CAGE1: variants seen among roughly 807,000 people sequenced by gnomAD.
The protein encoded by CAGE1 is cancer-associated gene 1 protein.
CAGE1 carries 66 observed loss-of-function variants against 94.9 expected under a neutral mutation model. That is an observed-to-expected ratio of 0.70 (90% CI 0.57 to 0.85). The LOEUF is 0.85. Ranked by LOEUF, CAGE1 falls within the 40% of genes least tolerant of loss-of-function variation. CAGE1 has a pLI of 0.00. For synonymous variants in CAGE1, 319 were observed against 321.0 expected (o/e 0.99, Z 0.07); for missense variants, 865 against 950.4 (o/e 0.91, Z 1.18).
intron 7 of CAGE1, among the ~76,000 whole-genome samples, chr6:7,366,849 T>G (rs1465340791): frequency 6.6e-6 from 1 of 152,154 alleles, no homozygotes; most frequent in Non-Finnish European, 1.5e-5. Flanking sequence ...TCCAAGGAGT[T>G]ATCCTAACAT....
At chr6:7,352,312 A>C (rs9379098) in intron 11 of CAGE1, among the ~76,000 whole-genome samples, 101 of 128,084 alleles carry the variant, frequency 7.9e-4, no homozygotes, top group African/African-American at 2.9e-3. Context: ...AAAACAAAAA[A>C]AAACAAAAAA....
intron 9 of CAGE1, among the ~76,000 whole-genome samples, chr6:7,357,006 A>G (rs1759979220): frequency 6.6e-6 from 1 of 152,120 alleles, no homozygotes; most frequent in Admixed American, 6.5e-5. Flanking sequence ...CATGTTGGCC[A>G]GGCTGGTCTT....
chr6:7,342,546 G>A (rs897605788), intron 11 of CAGE1, among the ~76,000 whole-genome samples: 1 of 152,186 alleles, frequency 6.6e-6, no homozygotes, highest in Non-Finnish European at 1.5e-5. Flanking sequence ...CAGGCTGGCT[G>A]TCACCTCTGT....
intron 11 of CAGE1, chr6:7,341,446 C>G: frequency 9.9e-7 from 1 of 1,006,750 alleles, no homozygotes; most frequent in Non-Finnish European, 1.6e-6. Context: ...CATCTATGAT[C>G]ACATGTAGGT....
intron 3 of CAGE1, among the ~76,000 whole-genome samples, chr6:7,381,429 G>C (rs945602071): frequency 2.6e-5 from 4 of 152,178 alleles, no homozygotes; most frequent in Admixed American, 6.5e-5. Flanking sequence ...CTCTAAGAAT[G>C]AGAAAATCAA....
Position 7,389,218 on chromosome 6 carries a change from TATCTC to T in CAGE1, c.-45_-41del. 1 of 456,004 alleles carries T rather than the reference TATCTC, an allele frequency of 2.2e-6. No homozygotes were observed. The highest frequency in any genetic ancestry group is 1.5e-5 in the South Asian group (1 of 64,564). The allele number at this position is 456,004 out of a possible 1,614,324, so 28.2% of individuals were successfully genotyped here. ...AAACTTTACCTTTTTAAAAAGCACT[TATCTC>T]ATTCATTTTTCACCTCAAAACGAGA... On this transcript the variant is annotated 5_prime_UTR_variant, in exon 1 of 14. The change abolishes an upstream ATG in the 5' untranslated region. Transcript: ENST00000502583.
intron 11 of CAGE1, among the ~76,000 whole-genome samples, chr6:7,352,291 A>AAAAAAAAAAAAC (rs1759799765): frequency 1.2e-5 from 1 of 83,790 alleles, no homozygotes; most frequent in African/African-American, 9.9e-5. Context: ...CAATAGCTGC[A>AAAAAAAAAAAAC]AAAAAAAAAA....
In CAGE1 at chr6:7,375,090, G is replaced by A. The variant is rs536144404; in HGVS notation, c.688-959C>T. ...AAATAAAAAAAGACAGTAATTTGTG[G>A]TAAGAAATGGTGAAATGAATATGAC... On this transcript the variant is annotated intron_variant, in intron 4 of 13. Transcript: ENST00000502583. Among the ~76,000 whole-genome samples, 13 of 151,390 alleles carry A rather than the reference G, an allele frequency of 8.6e-5. No individual in the cohort carries two copies. The South Asian group carries it at 2.7e-3, about 32-fold the overall frequency.
rs753614412 is a variant in CAGE1, at chr6:7,370,076, G to A, written c.1747-11C>T. 5.1e-5 allele frequency: 80 copies of A among 1,568,922 alleles called. No homozygotes were observed. Among genetic ancestry groups the A allele is most frequent in the Non-Finnish European group, 6.3e-5 (73 of 1,159,420 alleles). ...TGTCGTTTTTGTATCCTACATGCACGTAATTCAGATTTGTCAAAATAATGA... is the reference window on the plus strand; with the variant it reads ...TGTCGTTTTTGTATCCTACATGCACATAATTCAGATTTGTCAAAATAATGA... On this transcript the variant is annotated splice_polypyrimidine_tract_variant and intron_variant, in intron 5 of 13. Transcript: ENST00000502583.
intron 5 of CAGE1, among the ~76,000 whole-genome samples, chr6:7,371,345 A>G (rs1760532954): frequency 6.6e-6 from 1 of 152,078 alleles, no homozygotes; most frequent in Non-Finnish European, 1.5e-5. Context: ...TTTTTAATTT[A>G]GGAAAAGAAT....
chr6:7,381,591 C>T (rs139665236), intron 3 of CAGE1, among the ~76,000 whole-genome samples: 163 of 150,634 alleles, frequency 1.1e-3, no homozygotes, highest in African/African-American at 3.7e-3. Flanking sequence ...TGCTGTGGCA[C>T]GATCTCGGCT....
At chr6:7,327,791 G>C in intron 13 of CAGE1, among the ~76,000 whole-genome samples, 1 of 152,042 alleles carries the variant, frequency 6.6e-6, no homozygotes, top group East Asian at 1.9e-4. Context: ...TTAGCTAGGC[G>C]TGGTGGTACC....
intron 11 of CAGE1, among the ~76,000 whole-genome samples, chr6:7,344,604 G>C (rs1038243334): frequency 3.3e-5 from 5 of 151,964 alleles, no homozygotes; most frequent in Admixed American, 2.6e-4. Flanking sequence ...GAGTGCGGGC[G>C]TACGGCCCGA....
At chr6:7,351,327 G>C (rs1005487695) in intron 11 of CAGE1, among the ~76,000 whole-genome samples, 2 of 151,944 alleles carry the variant, frequency 1.3e-5, no homozygotes, top group African/African-American at 4.8e-5. Context: ...AACAAAAAAA[G>C]TCCAGGACCA....
At chr6:7,355,245 CA>C (rs1299889757) in intron 10 of CAGE1, 134 bp from the exon 11 acceptor site, 2 of 574,340 alleles carry the variant, frequency 3.5e-6, no homozygotes, top group Non-Finnish European at 6.2e-6. Flanking sequence ...ACTTTCCTTA[CA>C]TTTTGAAATC....
chr6:7,327,668 C>T (rs909363074), intron 13 of CAGE1, among the ~76,000 whole-genome samples: 9 of 152,096 alleles, frequency 5.9e-5, no homozygotes, highest in African/African-American at 1.4e-4. Flanking sequence ...CGGTGGCTCA[C>T]GCCTGTAATC....
chr6:7,340,807 C>G (rs1420328894), intron 11 of CAGE1: 2 of 398,982 alleles, frequency 5.0e-6, no homozygotes, highest in Non-Finnish European at 9.7e-6. Flanking sequence ...CAGTCTACTC[C>G]CTCAATGCAT....
chr6:7,329,163 A>G (rs1481644238), intron 13 of CAGE1: 1 of 388,630 alleles, frequency 2.6e-6, no homozygotes, highest in Non-Finnish European at 4.6e-6. Flanking sequence ...GAACTCCTGA[A>G]CTCAAGTGAT....
chr6:7,365,455 AG>A lies in CAGE1; in HGVS notation c.2193+12del, dbSNP rs1306184386. ...ATAAAAATAATAGCAAGGTAAAAAAAGGTCTTTCTTACCAAGAAATCAAGCT... is the reference window on the plus strand; with the variant it reads ...ATAAAAATAATAGCAAGGTAAAAAAAGTCTTTCTTACCAAGAAATCAAGCT... On this transcript the variant is annotated intron_variant, in intron 9 of 13. Coordinates refer to ENST00000502583, the MANE Select transcript of CAGE1 (RefSeq NM_001170692.2). 1.9e-6 allele frequency: 3 copies of A among 1,602,192 alleles called. No homozygotes were observed. The highest frequency in any genetic ancestry group is 3.4e-5 in the Admixed American group (2 of 58,656).
Sources: allele counts gnomAD v4.1 joint callset (sites outside exome capture counted in the v4.1 genomes callset), GRCh38; gene constraint gnomAD v4.1.1; transcripts MANE v1.5; gene names NCBI Gene and HGNC (gene_info 2026-07-23, HGNC 2026-07-21).